Variants in APPBP2 observed in about 807,000 individuals in gnomAD.
The protein encoded by APPBP2 is amyloid beta precursor protein binding protein 2.
Under a neutral mutation model 76.0 loss-of-function variants are expected in APPBP2, and 15 were observed. The ratio of observed to expected loss-of-function variants is 0.20; its 90% CI spans 0.13 to 0.30. APPBP2 has a LOEUF of 0.30. Among genes scored for constraint, APPBP2 ranks in the 10% least tolerant of loss-of-function variants. The pLI is 1.00. For missense variants in APPBP2, 401 were observed against 687.2 expected (o/e 0.58, Z 4.66); for synonymous variants, 222 against 242.2 (o/e 0.92, Z 0.77).
chr17:60,503,195 T>C (rs879764054), intron 1 of APPBP2, among the ~76,000 whole-genome samples: 6 of 144,836 alleles, frequency 4.1e-5, no homozygotes, highest in Non-Finnish European at 8.8e-5. Context: ...GTATTTTTAG[T>C]GGCGACAAGG....
At chr17:60,467,061 G>A (rs1393432992) in intron 4 of APPBP2, among the ~76,000 whole-genome samples, 1 of 152,160 alleles carries the variant, frequency 6.6e-6, no homozygotes, top group Non-Finnish European at 1.5e-5. Context: ...ATAGTACAAT[G>A]CTTTAGATCA....
intron 4 of APPBP2, among the ~76,000 whole-genome samples, chr17:60,472,019 G>A (rs1246109487): frequency 6.6e-6 from 1 of 152,148 alleles, no homozygotes; most frequent in Non-Finnish European, 1.5e-5. Flanking sequence ...CCAGCTACTT[G>A]GGTGGCTGAG....
intron 3 of APPBP2, among the ~76,000 whole-genome samples, chr17:60,484,635 G>A (rs2090658297): frequency 1.3e-5 from 2 of 152,120 alleles, no homozygotes; most frequent in Non-Finnish European, 2.9e-5. Context: ...CTGAGATGAT[G>A]GGGTTTCCTA....
rs112678090 is a variant in APPBP2, at chr17:60,500,340, G to A, written c.227+59C>T. 217 of 1,215,478 alleles carry A rather than the reference G, an allele frequency of 1.8e-4. No homozygotes were observed. In the African/African-American group the frequency reaches 2.6e-3, roughly 14 times the overall value. The allele number at this position is 1,215,478 out of a possible 1,614,324, so 75.3% of individuals were successfully genotyped here. A position where few individuals can be genotyped will look rare whatever the true frequency, so the allele number is the denominator to read the frequency against. ...GAATATACTTAATGCCACTCAATTC[G>A]GTTAAAATGGTAAATTTTATGTTAT... On this transcript the variant is annotated intron_variant, in intron 2 of 12. Transcript: ENST00000083182.
At chr17:60,520,652 T>C (rs1567944548) in intron 1 of APPBP2, among the ~76,000 whole-genome samples, 3 of 151,908 alleles carry the variant, frequency 2.0e-5, no homozygotes, top group Non-Finnish European at 4.4e-5. Context: ...AGACAAAGTT[T>C]AACTCTACGG....
chr17:60,522,423 A>G (rs1395274851), intron 1 of APPBP2, among the ~76,000 whole-genome samples: 1 of 152,100 alleles, frequency 6.6e-6, no homozygotes, highest in African/African-American at 2.4e-5. Flanking sequence ...TCCTGGTCTC[A>G]AGCAATCCTC....
At chr17:60,489,610 CAAAAA>C (rs746715643) in intron 3 of APPBP2, among the ~76,000 whole-genome samples, 3 of 53,596 alleles carry the variant, frequency 5.6e-5, no homozygotes, top group African/African-American at 1.7e-4. Flanking sequence ...GACCATGTCT[CAAAAA>C]AAAAAAAAAA....
At chr17:60,465,004 G>T (rs867265920) in intron 5 of APPBP2, 1 of 152,186 alleles carries the variant, frequency 6.6e-6, no homozygotes, top group African/African-American at 2.4e-5. Context: ...CCAGACCTTG[G>T]TGATGGAGTG....
At chr17:60,514,830 G>T (rs1023900265) in intron 1 of APPBP2, among the ~76,000 whole-genome samples, 8 of 152,086 alleles carry the variant, frequency 5.3e-5, no homozygotes, top group South Asian at 2.1e-4. Flanking sequence ...TTGAGGCAGG[G>T]TCTCACTCTG....
Position 60,525,968 on chromosome 17 carries a change from C to G in APPBP2, c.-37G>C, listed in dbSNP as rs748251015. On this transcript the variant is annotated 5_prime_UTR_variant, in exon 1 of 13. Coordinates refer to ENST00000083182, the MANE Select transcript of APPBP2 (RefSeq NM_006380.5). ...CCTCCTCCGCCTCCTCCGCCTCCTC[C>G]TCCCGAAGGCCCCCACCTCCCTCCG... The G allele has an allele frequency of 1.3e-6, 2 of 1,546,998 alleles. No homozygotes were observed. Among genetic ancestry groups the G allele is most frequent in the Non-Finnish European group, 1.8e-6 (2 of 1,141,910 alleles).
chr17:60,457,112 G>A (rs1036626407), intron 9 of APPBP2, among the ~76,000 whole-genome samples: 5 of 145,944 alleles, frequency 3.4e-5, no homozygotes, highest in African/African-American at 1.3e-4. Context: ...TCCAGCATGA[G>A]TGACAAAGAC....
chr17:60,454,030 C>T (rs900188144), intron 11 of APPBP2, among the ~76,000 whole-genome samples: 1 of 151,998 alleles, frequency 6.6e-6, no homozygotes, highest in Non-Finnish European at 1.5e-5. Context: ...TGCCACCACA[C>T]CTGCCTAATT....
chr17:60,457,072 T>C (rs920905737), intron 9 of APPBP2, among the ~76,000 whole-genome samples: 4 of 151,216 alleles, frequency 2.6e-5, no homozygotes, highest in African/African-American at 7.3e-5. Flanking sequence ...GAGGTGGAGG[T>C]TGCAGCGAGC....
chr17:60,458,875 C>T (rs533421833), intron 9 of APPBP2, among the ~76,000 whole-genome samples: 40 of 151,480 alleles, frequency 2.6e-4, no homozygotes, highest in Non-Finnish European at 5.2e-4. Context: ...CGGGTTCAAG[C>T]GATTCTCCTG....
chr17:60,490,692 T>C, intron 3 of APPBP2, among the ~76,000 whole-genome samples: 1 of 152,092 alleles, frequency 6.6e-6, no homozygotes, highest in East Asian at 1.9e-4. Context: ...ATTCCCACAT[T>C]ATGGGAGGGA....
At chr17:60,525,757 G>A (rs1316317854) in intron 1 of APPBP2, 37 bp downstream of exon 1, 2 of 1,612,416 alleles carry the variant, frequency 1.2e-6, no homozygotes, top group South Asian at 2.2e-5. Context: ...CCCCGGGGTT[G>A]CTGGAGGAGA....
intron 1 of APPBP2, among the ~76,000 whole-genome samples, chr17:60,509,913 G>C (rs563751273): frequency 1.1e-4 from 16 of 152,258 alleles, no homozygotes; most frequent in Admixed American, 4.6e-4. Context: ...AGACTGGCCA[G>C]AATCGATAAT....
intron 4 of APPBP2, among the ~76,000 whole-genome samples, chr17:60,476,459 A>G (rs2090591701): frequency 6.6e-6 from 1 of 152,200 alleles, no homozygotes; most frequent in South Asian, 2.1e-4. Context: ...AAAAAAGGCT[A>G]AGTCATAAAA....
chr17:60,461,736 T>C (rs2090477252), intron 8 of APPBP2, 74 bp downstream of exon 8: 2 of 1,138,768 alleles, frequency 1.8e-6, no homozygotes, highest in South Asian at 1.5e-5. Flanking sequence ...TTAGAGTGGT[T>C]TATACACCAC....
Sources: gnomAD v4.1 joint callset for allele counts (sites outside exome capture counted in the v4.1 genomes callset) on GRCh38, gnomAD v4.1.1 for gene constraint, MANE v1.5 for transcripts, NCBI Gene and HGNC (gene_info 2026-07-23, HGNC 2026-07-21) for gene names.